SH3TC1: variants seen among roughly 807,000 people sequenced by gnomAD.
SH3TC1 encodes SH3 domain and tetratricopeptide repeats 1, also known as SH3 domain and tetratricopeptide repeat-containing protein 1.
A neutral mutation model predicts 117.3 loss-of-function variants in SH3TC1; 135 were observed. The ratio of observed to expected loss-of-function variants is 1.15; its 90% confidence interval spans 1.00 to 1.33. SH3TC1 has a LOEUF of 1.33. Ranked by LOEUF, SH3TC1 falls within the 40% of genes most tolerant of loss-of-function variation. The pLI is 0.00. For synonymous variants in SH3TC1, 898 were observed against 816.9 expected, an observed-to-expected ratio of 1.10 and a Z score of -1.69; for missense variants, 2,092 against 1,794.3, an observed-to-expected ratio of 1.17 and a Z score of -3.00.
intron 8 of SH3TC1, among the ~76,000 whole-genome samples, chr4:8,219,051 G>A (rs192182047): frequency 1.0e-3 from 153 of 152,216 alleles, no homozygotes; most frequent in African/African-American, 3.7e-3. Flanking sequence ...GCTGCAGAAG[G>A]AAAGGAGGAA....
intron 1 of SH3TC1, among the ~76,000 whole-genome samples, chr4:8,194,189 G>A (rs1315724054): frequency 6.6e-6 from 1 of 152,212 alleles, no homozygotes; most frequent in African/African-American, 2.4e-5. Flanking sequence ...GGCGGGGGGT[G>A]TTGGTGGTGG....
Position 8,216,988 on chromosome 4 carries a change from T to G in SH3TC1, c.660T>G (p.His220Gln), listed in dbSNP as rs768458488. 14 of 1,613,914 alleles carry G rather than the reference T, an allele frequency of 8.7e-6. No homozygotes were observed. In the Middle Eastern group the frequency reaches 4.9e-4, roughly 57 times the overall value. The change falls in exon 7 of 18, where the codon CAT becomes CAG. Residue 220 changes from histidine (H) to glutamine (Q), a missense_variant. Physicochemically the swap from His to Gln is conservative, Grantham distance 24. Coordinates refer to ENST00000245105, the MANE Select transcript of SH3TC1 (RefSeq NM_018986.5). ...GPFFVLCPDH[H>Q]VRVMTGPRDA... ...TCTTTGTCCTGTGTCCTGACCACCA[T>G]GTGAGAGTGATGACGGGTCCCCGGG...
intron 13 of SH3TC1, 37 bp downstream of exon 13, chr4:8,232,193 G>A (rs1255608625): frequency 5.7e-6 from 2 of 349,330 alleles, no homozygotes; most frequent in East Asian, 8.0e-5. Flanking sequence ...GGCGGGGGGA[G>A]GGGGCAAAGG....
chr4:8,222,999 C>A, intron 10 of SH3TC1, 29 bp downstream of exon 10: 1 of 1,596,862 alleles, frequency 6.3e-7, no homozygotes. Flanking sequence ...TGTGGTGGGG[C>A]CACTGCCCTC....
At position 8,227,477 on chromosome 4, in the gene SH3TC1, G is replaced by C; in HGVS notation, c.1783G>C (p.Gly595Arg). Residue 595 changes from glycine (G) to arginine (R), a missense_variant, in exon 12 of 18, where the codon GGG (glycine) becomes CGG (arginine). Coordinates refer to ENST00000245105, the MANE Select transcript of SH3TC1 (RefSeq NM_018986.5). ...GCTGGGGGCCCTGGAGGGCAGCTTC[G>C]GGGACCTGTTCCTAGTGGTGGCTGT... The part of the protein sequence containing the change: ...EALGALEGSF[G>R]DLFLVVAVYA... The C allele has an allele frequency of 6.4e-7, 1 of 1,565,978 alleles. No homozygotes were observed. Among genetic ancestry groups the C allele is most frequent in the Non-Finnish European group, 8.6e-7 (1 of 1,161,390 alleles).
chr4:8,214,860 A>AT, intron 5 of SH3TC1, among the ~76,000 whole-genome samples: 1 of 152,122 alleles, frequency 6.6e-6, no homozygotes, highest in Admixed American at 6.6e-5. Context: ...AATTTTTTGT[A>AT]TTTTTAGTAG....
Position 8,233,369 on chromosome 4 carries a change from C to CA in SH3TC1, c.3141dup (p.Ser1048IlefsTer15). 1.9e-6 allele frequency: 3 copies of CA among 1,606,892 alleles called. No homozygotes were observed. Among genetic ancestry groups the CA allele is most frequent in the Non-Finnish European group, 2.5e-6 (3 of 1,176,564 alleles). ...CACCTGTGTCTGATACCAGGGCCTA[C>CA]AAATCCGCACTGGACTACACCAAAC... On this transcript the variant is annotated frameshift_variant, in exon 14 of 18. Coordinates refer to ENST00000245105, the MANE Select transcript of SH3TC1 (RefSeq NM_018986.5). LOFTEE classifies it high-confidence loss of function.
At chr4:8,212,348 G>A (rs1718822478) in intron 3 of SH3TC1, among the ~76,000 whole-genome samples, 1 of 152,080 alleles carries the variant, frequency 6.6e-6, no homozygotes, top group Non-Finnish European at 1.5e-5. Context: ...CTGGGGCGGA[G>A]CGCTGAGGGG....
intron 9 of SH3TC1, among the ~76,000 whole-genome samples, chr4:8,219,815 C>T (rs1011336538): frequency 3.3e-5 from 5 of 152,178 alleles, no homozygotes; most frequent in South Asian, 2.1e-4. Context: ...CACTGCACGC[C>T]GGGGGCTTAA....
Position 8,209,804 on chromosome 4 carries a change from A to G in SH3TC1, c.229A>G (p.Met77Val). The change falls in exon 3 of 18, where the codon ATG (methionine) becomes GTG (valine). Residue 77 changes from methionine to valine, a missense_variant. Met to Val is a conservative substitution (Grantham distance 21). Coordinates refer to ENST00000245105, the MANE Select transcript of SH3TC1 (RefSeq NM_018986.5). The surrounding 1 kb of genome is among the most constrained non-coding windows in gnomAD (Gnocchi z 5.9). Reference protein sequence around the residue: ...GPAAGTPPCQMGVYPTDLTLQ... With the variant: ...GPAAGTPPCQVGVYPTDLTLQ... Reference sequence around the variant, plus strand: ...TGCTGCTGGGACCCCTCCCTGCCAGATGGGGGTTTATCCCACAGGTAAACA... The same window carrying G: ...TGCTGCTGGGACCCCTCCCTGCCAGGTGGGGGTTTATCCCACAGGTAAACA... The G allele has an allele frequency of 6.2e-7, 1 of 1,613,448 alleles. No homozygotes were observed. Among genetic ancestry groups the G allele is most frequent in the Non-Finnish European group, 8.5e-7 (1 of 1,179,972 alleles).
At chr4:8,233,244 A>G in intron 13 of SH3TC1, 119 bp from the exon 14 acceptor site, 1 of 1,459,356 alleles carries the variant, frequency 6.9e-7, no homozygotes, top group Non-Finnish European at 9.0e-7. Flanking sequence ...GACACTGCAC[A>G]CACAAGAGGG....
rs189576800 is a variant in SH3TC1 at position 8,205,023 on chromosome 4, G to A, written c.-28-144G>A. 256 of 576,120 alleles carry A rather than the reference G, an allele frequency of 4.4e-4. 1 individual carries two copies. Among genetic ancestry groups the A allele is most frequent in the African/African-American group, 4.2e-3 (218 of 52,376 alleles). The allele number at this position is 576,120 out of a possible 1,614,324, so 35.7% of individuals were successfully genotyped here. A position where few individuals can be genotyped will look rare whatever the true frequency, so the allele number is the denominator to read the frequency against. On this transcript the variant is annotated intron_variant, in intron 1 of 17. Transcript: ENST00000245105. This position sits in a 1 kb window ranked among gnomAD's most constrained non-coding sequence, Gnocchi z 5.4. Reference sequence around the variant, plus strand: ...TCACGCCCACCACAACACGGTGCACGGTGCGGTGAGGGGCTCGCTGGATCT... The same window carrying A: ...TCACGCCCACCACAACACGGTGCACAGTGCGGTGAGGGGCTCGCTGGATCT...
At chr4:8,197,850 C>T (rs1406394627), upstream of SH3TC1, among the ~76,000 whole-genome samples, 1 of 152,194 alleles carries the variant, frequency 6.6e-6, no homozygotes, top group Non-Finnish European at 1.5e-5. Context: ...TAAGCGTCAG[C>T]CCCTGGGCAG....
upstream of SH3TC1, among the ~76,000 whole-genome samples, chr4:8,195,895 A>T (rs1330742186): frequency 6.6e-6 from 1 of 152,108 alleles, no homozygotes; most frequent in African/African-American, 2.4e-5. Flanking sequence ...CCAACTCCCC[A>T]CTTCTCCCCA....
Position 8,222,951 on chromosome 4 carries a change from C to A in SH3TC1, c.1224C>A (p.Val408=). The part of the protein sequence containing the change: ...QLLRRMSGTD[V]CSVYSLDSVE... The stretch of plus-strand genomic sequence containing the variant: ...TGAGGCGGATGTCGGGCACCGATGT[C>A]TGCAGCGTGTACAGCCTGGGTGCGT... The change falls in exon 10 of 18, where the codon GTC becomes GTA. Residue 408 remains valine, a synonymous_variant. Transcript: ENST00000245105. 6.2e-7 allele frequency: 1 copy of A among 1,612,454 alleles called. No individual in the cohort carries two copies. The highest frequency in any genetic ancestry group is 8.5e-7 in the Non-Finnish European group (1 of 1,179,782).
chr4:8,237,413 G>A (rs572665034), intron 16 of SH3TC1, 61 bp from the exon 17 acceptor site: 7 of 1,340,574 alleles, frequency 5.2e-6, no homozygotes, highest in Non-Finnish European at 4.8e-6. Context: ...TGCTGCCGGG[G>A]TCTGCATGCC....
intron 12 of SH3TC1, 142 bp downstream of exon 12, chr4:8,228,786 C>A: frequency 1.4e-6 from 1 of 728,594 alleles, no homozygotes; most frequent in South Asian, 2.2e-5. Context: ...TTGGCAAGCG[C>A]CCTGGAGACA....
In SH3TC1 at chr4:8,216,982, C is replaced by A. The variant is rs769418892; in HGVS notation, c.654C>A (p.Asp218Glu). Reference sequence around the variant, plus strand: ...GGCCCTTCTTTGTCCTGTGTCCTGACCACCATGTGAGAGTGATGACGGGTC... The same window carrying A: ...GGCCCTTCTTTGTCCTGTGTCCTGAACACCATGTGAGAGTGATGACGGGTC... Reference protein sequence around the residue: ...QEGPFFVLCPDHHVRVMTGPR... With the variant: ...QEGPFFVLCPEHHVRVMTGPR... Residue 218 changes from aspartate (D) to glutamate (E), a missense_variant, in exon 7 of 18, where the codon GAC becomes GAA. Asp to Glu is a conservative substitution (Grantham distance 45). Coordinates refer to ENST00000245105, the MANE Select transcript of SH3TC1 (RefSeq NM_018986.5). 1 of 1,614,042 alleles carries A rather than the reference C, an allele frequency of 6.2e-7. No individual in the cohort carries two copies. Among genetic ancestry groups the A allele is most frequent in the Non-Finnish European group, 8.5e-7 (1 of 1,179,944 alleles).
rs571899759 is a variant in SH3TC1, at chr4:8,213,017, T to C, written c.375+189T>C. ...GGTGGCGAGGGCTTGTTTCTCCCAC[T>C]TGCTTTGTGGAGGGCACTGTGATCG... On this transcript the variant is annotated intron_variant, in intron 4 of 17. Coordinates refer to ENST00000245105, the MANE Select transcript of SH3TC1 (RefSeq NM_018986.5). The C allele has an allele frequency of 1.1e-3, 809 of 734,146 alleles. 1 individual carries two copies. Among genetic ancestry groups the C allele is most frequent in the Non-Finnish European group, 1.5e-3 (693 of 467,990 alleles). 45.5% of individuals were successfully genotyped at this position (734,146 alleles called of 1,614,324 possible).
Sources: gnomAD v4.1 joint callset for allele counts (sites outside exome capture counted in the v4.1 genomes callset) on GRCh38, gnomAD v4.1.1 for gene constraint, Gnocchi (gnomAD v3.1) non-coding constraint, MANE v1.5 for transcripts, NCBI Gene and HGNC (gene_info 2026-07-23, HGNC 2026-07-21) for gene names.